RPS6KC1: variants seen among roughly 807,000 people sequenced by gnomAD.
The protein encoded by RPS6KC1 is ribosomal protein S6 kinase C1, also known as inactive ribosomal protein S6 kinase delta-1.
In RPS6KC1, 54 loss-of-function variants were observed where a neutral mutation model predicts 103.8. That is an observed-to-expected ratio of 0.52 (90% CI 0.42 to 0.65). The LOEUF is 0.65. Among genes scored for constraint, RPS6KC1 ranks in the 30% least tolerant of loss-of-function variants. The probability of loss-of-function intolerance (pLI) is 0.00; values close to 1 mark genes in which losing one functional copy is unlikely to be tolerated. For synonymous variants in RPS6KC1, 439 were observed against 438.7 expected (o/e 1.00, Z -0.01); for missense variants, 1,151 against 1,253.8 (o/e 0.92, Z 1.24).
At chr1:213,687,413 T>A in the RPS6KC1 span, among the ~76,000 whole-genome samples, 90,561 of 152,032 alleles carry the variant, frequency 0.6, 28,792 homozygotes, top group African/African-American at 0.82. Context: ...CCTGTTTATT[T>A]TGAGATTCCA....
At chr1:213,317,865 G>A in the RPS6KC1 span, among the ~76,000 whole-genome samples, 24 of 152,226 alleles carry the variant, frequency 1.6e-4, no homozygotes, top group African/African-American at 5.5e-4. Flanking sequence ...TCCATGAGAT[G>A]ATTTACCAGA....
intron 12 of RPS6KC1, among the ~76,000 whole-genome samples, chr1:213,255,806 T>C (rs1219880327): frequency 6.6e-6 from 1 of 152,230 alleles, no homozygotes; most frequent in Non-Finnish European, 1.5e-5. Context: ...TGTTCTAATA[T>C]TTAAGCTTCC....
intron 3 of RPS6KC1, among the ~76,000 whole-genome samples, chr1:213,091,482 C>T (rs2080959303): frequency 6.6e-6 from 1 of 152,094 alleles, no homozygotes; most frequent in African/African-American, 2.4e-5. Flanking sequence ...TGTAAATGAA[C>T]CTTTTGTACT....
the RPS6KC1 span, among the ~76,000 whole-genome samples, chr1:213,758,494 C>T: frequency 6.6e-6 from 1 of 151,776 alleles, no homozygotes; most frequent in African/African-American, 2.4e-5. Flanking sequence ...AGGAGAATCA[C>T]TTGAACCCGG....
At chr1:213,544,842 C>A in the RPS6KC1 span, among the ~76,000 whole-genome samples, 1 of 152,134 alleles carries the variant, frequency 6.6e-6, no homozygotes, top group Non-Finnish European at 1.5e-5. Context: ...TCCTTCTTGA[C>A]CTAGTCTTTC....
chr1:213,227,998 A>G (rs1035541194), intron 8 of RPS6KC1, among the ~76,000 whole-genome samples: 4 of 152,192 alleles, frequency 2.6e-5, no homozygotes, highest in South Asian at 2.1e-4. Context: ...TTCTTGGGGT[A>G]TGAACATCTT....
the RPS6KC1 span, among the ~76,000 whole-genome samples, chr1:213,357,419 GAATGACTGGCA>G: frequency 6.6e-6 from 1 of 152,218 alleles, no homozygotes; most frequent in African/African-American, 2.4e-5. Context: ...AAGGATGTTG[GAATGACTGGCA>G]AATTGGAGCT....
the RPS6KC1 span, among the ~76,000 whole-genome samples, chr1:213,398,452 A>G: frequency 1.3e-5 from 2 of 151,892 alleles, no homozygotes; most frequent in Non-Finnish European, 2.9e-5. Context: ...GGCACCACCT[A>G]TCTATCTCAT....
At chr1:213,418,831 A>G in the RPS6KC1 span, among the ~76,000 whole-genome samples, 3 of 152,112 alleles carry the variant, frequency 2.0e-5, no homozygotes, top group Non-Finnish European at 4.4e-5. Context: ...TAGCCCTCTC[A>G]GGTGAAACAG....
At chr1:213,749,637 A>C in the RPS6KC1 span, among the ~76,000 whole-genome samples, 2 of 152,058 alleles carry the variant, frequency 1.3e-5, no homozygotes, top group Admixed American at 1.3e-4. Flanking sequence ...TGCCAAGAGC[A>C]CCTCGGGGAG....
At chr1:213,375,258 TACAC>T in the RPS6KC1 span, among the ~76,000 whole-genome samples, 2 of 150,532 alleles carry the variant, frequency 1.3e-5, no homozygotes, top group Admixed American at 6.6e-5. Context: ...TATACACACA[TACAC>T]ACATATACAC....
the RPS6KC1 span, among the ~76,000 whole-genome samples, chr1:213,570,889 C>T: frequency 6.6e-6 from 1 of 152,158 alleles, no homozygotes; most frequent in African/African-American, 2.4e-5. Context: ...TCTTTTATTC[C>T]AGCACTAATG....
chr1:213,446,742 A>G, the RPS6KC1 span, among the ~76,000 whole-genome samples: 1 of 152,198 alleles, frequency 6.6e-6, no homozygotes, highest in African/African-American at 2.4e-5. Flanking sequence ...TAGCTGGCAC[A>G]TGGTAAGCAC....
intron 7 of RPS6KC1, among the ~76,000 whole-genome samples, chr1:213,168,301 G>A (rs779504952): frequency 5.9e-5 from 9 of 152,012 alleles, no homozygotes; most frequent in Middle Eastern, 3.2e-3. Flanking sequence ...TTGTATAATT[G>A]TTCTCCAGTT....
intron 8 of RPS6KC1, among the ~76,000 whole-genome samples, chr1:213,222,428 T>C (rs186816633): frequency 1.2e-3 from 179 of 152,284 alleles, no homozygotes; most frequent in African/African-American, 3.2e-3. Flanking sequence ...CAAGGACAGA[T>C]TGGTTTCATG....
chr1:213,764,430 C>A, the RPS6KC1 span, among the ~76,000 whole-genome samples: 1 of 152,148 alleles, frequency 6.6e-6, no homozygotes, highest in Non-Finnish European at 1.5e-5. Flanking sequence ...TTTCTCTCCT[C>A]CATCAGACCC....
At chr1:213,447,793 TA>T in the RPS6KC1 span, among the ~76,000 whole-genome samples, 1 of 152,322 alleles carries the variant, frequency 6.6e-6, no homozygotes, top group East Asian at 1.9e-4. Context: ...AAATAGAAAT[TA>T]AAAGTTAGCA....
chr1:213,118,449 G>A (rs1328271405), intron 5 of RPS6KC1, among the ~76,000 whole-genome samples: 2 of 152,094 alleles, frequency 1.3e-5, no homozygotes, highest in Non-Finnish European at 1.5e-5. Context: ...TCTCTTTCAT[G>A]AGTAAGAGTT....
chr1:213,847,322 T>G, the RPS6KC1 span, among the ~76,000 whole-genome samples: 1 of 152,174 alleles, frequency 6.6e-6, no homozygotes, highest in African/African-American at 2.4e-5. Flanking sequence ...AATATAATCC[T>G]TTTAGCAAGG....
Sources: allele counts gnomAD v4.1 joint callset (sites outside exome capture counted in the v4.1 genomes callset), GRCh38; gene constraint gnomAD v4.1.1; transcripts MANE v1.5; gene names NCBI Gene and HGNC (gene_info 2026-07-23, HGNC 2026-07-21).